The following SRGAP2B variants were observed in gnomAD, a reference collection of about 807,000 sequenced individuals.
The protein encoded by SRGAP2B is SLIT-ROBO Rho GTPase activating protein 2B.
A neutral mutation model predicts 22.2 loss-of-function variants in SRGAP2B; 9 were observed. The ratio of observed to expected loss-of-function variants is 0.41; its 90% confidence interval spans 0.24 to 0.71. The LOEUF (loss-of-function observed/expected upper bound fraction) is 0.71. SRGAP2B is among the 30% of genes least tolerant of loss of function. The probability of loss-of-function intolerance (pLI) is 0.35; values close to 1 mark genes in which losing one functional copy is unlikely to be tolerated. For synonymous variants in SRGAP2B, 36 were observed against 87.4 expected, an observed-to-expected ratio of 0.41 and a Z score of 3.28; for missense variants, 114 against 235.8, an observed-to-expected ratio of 0.48 and a Z score of 3.38.
chr1:145,017,537 A>C (rs1672515222), intron 2 of SRGAP2B, among the ~76,000 whole-genome samples: 1 of 149,234 alleles, frequency 6.7e-6, no homozygotes, highest in Non-Finnish European at 1.5e-5. Flanking sequence ...TTCTCAGAAT[A>C]AAAGGCTGAA....
intron 5 of SRGAP2B, among the ~76,000 whole-genome samples, chr1:144,907,648 T>TA (rs1663089918): frequency 6.7e-6 from 1 of 149,918 alleles, no homozygotes. Flanking sequence ...TGGGGATTGC[T>TA]ACTGGCATCT....
intron 5 of SRGAP2B, among the ~76,000 whole-genome samples, chr1:144,909,629 A>G (rs1210719586): frequency 6.7e-6 from 1 of 150,090 alleles, no homozygotes; most frequent in Non-Finnish European, 1.5e-5. Flanking sequence ...AGGCCCCAAG[A>G]TCCCCTCTCC....
intron 4 of SRGAP2B, among the ~76,000 whole-genome samples, chr1:144,920,970 G>T (rs1664204564): frequency 6.7e-6 from 1 of 149,450 alleles, no homozygotes; most frequent in South Asian, 2.1e-4. Flanking sequence ...ATTTTAGGGA[G>T]TAAGCAATAA....
At chr1:145,038,372 G>A (rs1648890302) in intron 2 of SRGAP2B, among the ~76,000 whole-genome samples, 1 of 129,876 alleles carries the variant, frequency 7.7e-6, no homozygotes, top group Non-Finnish European at 1.6e-5. Flanking sequence ...CCCACAATAA[G>A]GAGCAGGGGT....
chr1:145,038,768 A>AG (rs1424048728), intron 2 of SRGAP2B, among the ~76,000 whole-genome samples: 2 of 133,626 alleles, frequency 1.5e-5, no homozygotes, highest in African/African-American at 5.9e-5. Context: ...AAAAAATATG[A>AG]GGGGGGTGGA....
intron 6 of SRGAP2B, 44 bp downstream of exon 6, chr1:144,905,815 C>A: frequency 1.4e-6 from 1 of 708,706 alleles, no homozygotes; most frequent in South Asian, 1.5e-5. Context: ...CATGCCTTAC[C>A]GAATGTTGCT....
intron 3 of SRGAP2B, among the ~76,000 whole-genome samples, chr1:144,991,128 C>T (rs1427674437): frequency 1.3e-5 from 2 of 151,164 alleles, no homozygotes; most frequent in African/African-American, 2.5e-5. Flanking sequence ...CTGGTGGGGA[C>T]GTGGAAAGTC....
chr1:144,894,110 T>TAGGGAAGG (rs1163975067), intron 8 of SRGAP2B, among the ~76,000 whole-genome samples: 1 of 135,950 alleles, frequency 7.4e-6, no homozygotes, highest in Non-Finnish European at 1.5e-5. Flanking sequence ...TACCAGGCCT[T>TAGGGAAGG]CCCTAGATCT....
At position 144,954,303 on chromosome 1, in the gene SRGAP2B, T is replaced by G. The variant is rs1231160653; in HGVS notation, c.423+1136A>C. On this transcript the variant is annotated intron_variant, in intron 4 of 9. Transcript: ENST00000612199. ...CAGGCTGGTAATTACAGAAAAAAAA[T>G]GGGGTATTAATTCCAGATCTAGTGA... Among the ~76,000 whole-genome samples the G allele has an allele frequency of 3.3e-5, 5 of 151,008 alleles. No homozygotes were observed. In the East Asian group the frequency reaches 9.8e-4, roughly 29 times the overall value.
chr1:145,001,796 C>T (rs2102195120), intron 2 of SRGAP2B, among the ~76,000 whole-genome samples: 1 of 150,766 alleles, frequency 6.6e-6, no homozygotes, highest in East Asian at 1.9e-4. Context: ...CAAGGTGGGC[C>T]GATTACTAGA....
At chr1:145,075,673 G>C (rs1229903647) in intron 2 of SRGAP2B, among the ~76,000 whole-genome samples, 2 of 124,180 alleles carry the variant, frequency 1.6e-5, no homozygotes, top group Non-Finnish European at 3.3e-5. Flanking sequence ...AAATCTGGGA[G>C]CAGGTATTGC....
In SRGAP2B at chr1:144,957,089, A is replaced by G. The variant is rs1279220094; in HGVS notation, c.261-1488T>C. On this transcript the variant is annotated intron_variant, in intron 3 of 9. Coordinates refer to ENST00000612199, the Ensembl canonical transcript of SRGAP2B. ...CAATTCCAGAATTCAAACCAAGCCT[A>G]TAACTGCAAAGCGAGTACTCTCATT... Among the ~76,000 whole-genome samples, 8 of 150,634 alleles carry G rather than the reference A, an allele frequency of 5.3e-5. No homozygotes were observed. The South Asian group carries it at 1.5e-3, about 27-fold the overall frequency.
chr1:144,958,322 A>G (rs1667425232), intron 3 of SRGAP2B, among the ~76,000 whole-genome samples: 1 of 151,094 alleles, frequency 6.6e-6, no homozygotes. Flanking sequence ...CTGGAAGTAG[A>G]AATCTTTTAA....
chr1:144,958,257 A>G lies in SRGAP2B; in HGVS notation c.261-2656T>C, dbSNP rs629756. On this transcript the variant is annotated intron_variant, in intron 3 of 9. Transcript: ENST00000612199. ...AAAGGATGCAGAGCACATATCCCCA[A>G]GGTGTCCTCAAAAGAAAAGATGACT... is the stretch of plus-strand genomic sequence containing the variant. Among the ~76,000 whole-genome samples the G allele has an allele frequency of 6.1e-3, 893 of 145,530 alleles. 5 individuals are homozygous for G. Among genetic ancestry groups the G allele is most frequent in the Non-Finnish European group, 8.5e-3 (564 of 66,288 alleles).
At chr1:144,954,737 C>A (rs1383063641) in intron 4 of SRGAP2B, among the ~76,000 whole-genome samples, 6 of 150,582 alleles carry the variant, frequency 4.0e-5, no homozygotes, top group African/African-American at 1.5e-4. Flanking sequence ...TTAAGATTAT[C>A]ATGATTATTT....
chr1:144,971,456 G>T (rs1159188807), intron 3 of SRGAP2B, among the ~76,000 whole-genome samples: 1 of 150,206 alleles, frequency 6.7e-6, no homozygotes, highest in African/African-American at 2.5e-5. Context: ...CAGAGATGGG[G>T]TCTTGCTCTG....
intron 4 of SRGAP2B, among the ~76,000 whole-genome samples, chr1:144,945,484 C>T (rs1666427679): frequency 6.6e-6 from 1 of 151,794 alleles, no homozygotes; most frequent in Non-Finnish European, 1.5e-5. Flanking sequence ...CTTTGGGAGG[C>T]CAAGATGGAA....
intron 2 of SRGAP2B, among the ~76,000 whole-genome samples, chr1:145,014,645 A>C (rs2102255560): frequency 7.8e-6 from 1 of 128,684 alleles, no homozygotes; most frequent in South Asian, 2.7e-4. Flanking sequence ...AAAACTTAAA[A>C]ATTACATGTA....
At chr1:144,921,059 A>G (rs1185042401) in intron 4 of SRGAP2B, among the ~76,000 whole-genome samples, 12 of 149,084 alleles carry the variant, frequency 8.0e-5, no homozygotes, top group African/African-American at 2.6e-4. Flanking sequence ...AGAAAGTTTA[A>G]AAGTTTACAA....
Sources: allele counts gnomAD v4.1 joint callset (sites outside exome capture counted in the v4.1 genomes callset), GRCh38; gene constraint gnomAD v4.1.1; transcripts MANE v1.5; gene names NCBI Gene and HGNC (gene_info 2026-07-23, HGNC 2026-07-21).